GDAP1: variants seen among roughly 807,000 people sequenced by gnomAD.
The protein encoded by GDAP1 is ganglioside-induced differentiation-associated protein 1.
GDAP1 carries 34 observed loss-of-function variants against 40.1 expected under a neutral mutation model. The observed-to-expected ratio is 0.85, with a 90% CI of 0.64 to 1.13. The LOEUF is 1.13. Ranked by LOEUF, GDAP1 falls within the 50% of genes most tolerant of loss-of-function variation. The pLI, the probability that GDAP1 is intolerant of heterozygous loss-of-function variation, is 0.00. For missense variants in GDAP1, 374 were observed against 433.7 expected (o/e 0.86, Z 1.22); for synonymous variants, 170 against 157.4 (o/e 1.08, Z -0.60).
chr8:74,385,981 G>A (rs1356086388), intron 2 of GDAP1, among the ~76,000 whole-genome samples: 1 of 152,152 alleles, frequency 6.6e-6, no homozygotes, highest in Non-Finnish European at 1.5e-5. Flanking sequence ...CCGCATAAAT[G>A]CCTTCTTTTG....
intron 2 of GDAP1, among the ~76,000 whole-genome samples, chr8:74,487,272 C>T (rs1194403389): frequency 6.6e-6 from 1 of 152,058 alleles, no homozygotes; most frequent in Non-Finnish European, 1.5e-5. Context: ...CAAAAACATA[C>T]CTTAAGGAAG....
At chr8:74,425,828 C>T (rs1805940819) in intron 2 of GDAP1, among the ~76,000 whole-genome samples, 1 of 152,144 alleles carries the variant, frequency 6.6e-6, no homozygotes, top group African/African-American at 2.4e-5. Context: ...TAGAGGATTG[C>T]TTCTACCTTG....
intron 5 of GDAP1, among the ~76,000 whole-genome samples, 166 bp downstream of exon 5, chr8:74,363,219 G>A (rs1008061756): frequency 6.6e-6 from 1 of 152,150 alleles, no homozygotes; most frequent in Non-Finnish European, 1.5e-5. Flanking sequence ...AAAAACCCAG[G>A]TGTCTAATTG....
chr8:74,380,513 T>C (rs1347764923), intron 2 of GDAP1, among the ~76,000 whole-genome samples: 2 of 150,532 alleles, frequency 1.3e-5, no homozygotes, highest in African/African-American at 4.9e-5. Flanking sequence ...TTTTTTTTTT[T>C]TCACCAAAGG....
intron 2 of GDAP1, among the ~76,000 whole-genome samples, chr8:74,450,291 A>G (rs188282960): frequency 4.1e-4 from 62 of 151,960 alleles, no homozygotes; most frequent in Non-Finnish European, 6.8e-4. Context: ...TCTGATAAGC[A>G]CTCAAAAATA....
chr8:74,391,665 A>C (rs1224426059), intron 2 of GDAP1, among the ~76,000 whole-genome samples: 1 of 152,000 alleles, frequency 6.6e-6, no homozygotes, highest in Non-Finnish European at 1.5e-5. Context: ...TCTTACTGAC[A>C]GAGTAGAATA....
Position 74,380,363 on chromosome 8 carries a change from A to G in GDAP1, c.165+29042A>G, listed in dbSNP as rs1433861899. ...TATAGGAAAAGTAACTTGTCCCCAA[A>G]CCGGCTTTTCTAATTGATGGATGAT... On this transcript the variant is annotated intron_variant, in intron 2 of 2. Transcript: ENST00000523640. Among the ~76,000 whole-genome samples the G allele has an allele frequency of 2.6e-5, 4 of 152,144 alleles. No individual in the cohort carries two copies. The East Asian group carries it at 7.7e-4, about 29-fold the overall frequency.
rs879254192 is a variant in GDAP1 at position 74,364,108 on chromosome 8, G to A, written c.818G>A (p.Arg273Gln). The A allele has an allele frequency of 1.1e-5, 17 of 1,614,132 alleles. No homozygotes were observed. The highest frequency in any genetic ancestry group is 1.3e-5 in the Non-Finnish European group (15 of 1,180,022). ...FARRNWGNGK[R>Q]PNLETYYERV... ...AGGAGAAACTGGGGAAACGGAAAGC[G>A]ACCAAACTTGGAAACCTATTACGAG... is the stretch of plus-strand genomic sequence containing the variant. Residue 273 changes from arginine to glutamine, a missense_variant, in exon 6 of 6, where the codon CGA becomes CAA. By Grantham distance (43) the Arg-to-Gln change is conservative. Transcript: ENST00000220822.
At chr8:74,374,632 A>C (rs1254380941) in intron 2 of GDAP1, among the ~76,000 whole-genome samples, 1 of 152,212 alleles carries the variant, frequency 6.6e-6, no homozygotes, top group Non-Finnish European at 1.5e-5. Context: ...AGAGAAATAT[A>C]AATTACCAAT....
chr8:74,462,772 T>C lies in GDAP1; in HGVS notation c.166-25906T>C, dbSNP rs186020472. ...AAAATTGGGAATGAGAATCCTAGAA[T>C]TTTTTTTATACTTGAATGATTTCAA... On this transcript the variant is annotated intron_variant, in intron 2 of 2. Coordinates refer to the GDAP1 transcript ENST00000523640. 4.1e-4 allele frequency among the ~76,000 whole-genome samples: 63 copies of C among 152,104 alleles called. No homozygotes were observed. The East Asian group carries it at 0.012, about 30-fold the overall frequency.
At chr8:74,473,733 T>G (rs529054851) in intron 2 of GDAP1, among the ~76,000 whole-genome samples, 1 of 152,242 alleles carries the variant, frequency 6.6e-6, no homozygotes, top group African/African-American at 2.4e-5. Context: ...TGAAGTCAGG[T>G]AACATGATGC....
At chr8:74,447,835 G>A (rs559671880) in intron 2 of GDAP1, among the ~76,000 whole-genome samples, 3 of 152,254 alleles carry the variant, frequency 2.0e-5, no homozygotes, top group South Asian at 2.1e-4. Flanking sequence ...TATATAAAAT[G>A]ACCTTTAGGC....
rs1185043740 is a variant in GDAP1, at chr8:74,365,657, A to C, written c.*1290A>C. On this transcript the variant is annotated 3_prime_UTR_variant, in exon 6 of 6. Coordinates refer to ENST00000220822, the MANE Select transcript of GDAP1 (RefSeq NM_018972.4). ...AGAATGTACTAACTTTATCATTAATAGGAAAGTCATACCTAGGAAACAATG... is the reference window on the plus strand; with the variant it reads ...AGAATGTACTAACTTTATCATTAATCGGAAAGTCATACCTAGGAAACAATG... 1 of 454,558 alleles carries C rather than the reference A, an allele frequency of 2.2e-6. No homozygotes were observed. The allele number at this position is 454,558 out of a possible 1,614,324, so 28.2% of individuals were successfully genotyped here. A position where few individuals can be genotyped will look rare whatever the true frequency, so the allele number is the denominator to read the frequency against.
chr8:74,389,992 G>A (rs1306560035), intron 2 of GDAP1, among the ~76,000 whole-genome samples: 4 of 152,036 alleles, frequency 2.6e-5, no homozygotes, highest in Non-Finnish European at 4.4e-5. Flanking sequence ...ACTTGCGTAC[G>A]CTTCACGAAG....
intron 2 of GDAP1, among the ~76,000 whole-genome samples, chr8:74,392,047 G>A (rs939816813): frequency 2.0e-5 from 3 of 152,110 alleles, no homozygotes; most frequent in Non-Finnish European, 2.9e-5. Context: ...TCGAACTCCC[G>A]ACCTCAGGTG....
chr8:74,360,111 T>G, intron 2 of GDAP1, 26 bp from the exon 3 acceptor site: 1 of 1,580,666 alleles, frequency 6.3e-7, no homozygotes, highest in Non-Finnish European at 8.7e-7. Context: ...AACTTTTTCT[T>G]CAATATTTGT....
At chr8:74,482,448 A>G (rs949537241) in intron 2 of GDAP1, among the ~76,000 whole-genome samples, 3 of 152,198 alleles carry the variant, frequency 2.0e-5, no homozygotes, top group Non-Finnish European at 4.4e-5. Flanking sequence ...TTTTCTGTCT[A>G]TAGATGGGCA....
At chr8:74,407,706 A>G (rs1275474128) in intron 2 of GDAP1, among the ~76,000 whole-genome samples, 1 of 147,068 alleles carries the variant, frequency 6.8e-6, no homozygotes, top group Admixed American at 6.7e-5. Context: ...AACCCTGACT[A>G]ATATACCTGT....
At chr8:74,389,115 G>C (rs1810070218) in intron 2 of GDAP1, among the ~76,000 whole-genome samples, 1 of 151,866 alleles carries the variant, frequency 6.6e-6, no homozygotes, top group Non-Finnish European at 1.5e-5. Flanking sequence ...CACACTGATG[G>C]GTCTTGACTC....
Sources: allele counts gnomAD v4.1 joint callset (sites outside exome capture counted in the v4.1 genomes callset), GRCh38; gene constraint gnomAD v4.1.1; transcripts MANE v1.5; gene names NCBI Gene and HGNC (gene_info 2026-07-23, HGNC 2026-07-21).